The following GOLGA8H variants were observed in gnomAD, a reference collection of about 807,000 sequenced individuals.
GOLGA8H encodes the protein golgin A8 family member H.
GOLGA8H carries 47 observed loss-of-function variants against 82.7 expected under a neutral mutation model. The ratio of observed to expected loss-of-function variants is 0.57; its 90% CI spans 0.45 to 0.73. The LOEUF is 0.73. Ranked by LOEUF, GOLGA8H falls within the 30% of genes least tolerant of loss-of-function variation. The probability of loss-of-function intolerance (pLI) is 0.00; values close to 1 mark genes in which losing one functional copy is unlikely to be tolerated. For synonymous variants in GOLGA8H, 108 were observed against 241.6 expected (o/e 0.45, Z 5.13); for missense variants, 372 against 661.0 (o/e 0.56, Z 4.79).
intron 11 of GOLGA8H, 131 bp from the exon 12 acceptor site, chr15:30,610,635 C>T: frequency 1.4e-6 from 2 of 1,432,708 alleles, no homozygotes. Flanking sequence ...GGAAGACTGG[C>T]TACCATCTGG....
In GOLGA8H at chr15:30,608,501, A is replaced by C. The variant is rs536668671; in HGVS notation, c.431A>C (p.Lys144Thr). ...CAGACATTGAACATACAGAAAGGGA[A>C]ACTAAATACGGACCTGTACCACATG... The part of the protein sequence containing the change: ...QIQTLNIQKG[K>T]LNTDLYHMKR... Residue 144 changes from lysine to threonine, a missense_variant, in exon 7 of 19, where the codon AAA (lysine) becomes ACA (threonine). Lys to Thr is a moderately conservative substitution (Grantham distance 78). Transcript: ENST00000566740. The C allele has an allele frequency of 5.0e-6, 8 of 1,611,108 alleles. No homozygotes were observed. Among genetic ancestry groups the C allele is most frequent in the Non-Finnish European group, 6.8e-6 (8 of 1,179,618 alleles).
At chr15:30,608,236 C>G in intron 5 of GOLGA8H, 95 bp from the exon 6 acceptor site, 1 of 1,209,924 alleles carries the variant, frequency 8.3e-7, no homozygotes, top group South Asian at 1.3e-5. Context: ...ATGGGTGGGC[C>G]TGTCCTGGGG....
In GOLGA8H at chr15:30,615,058, T is replaced by C. The variant is rs1475963307; in HGVS notation, c.*497T>C. On this transcript the variant is annotated 3_prime_UTR_variant, in exon 19 of 19. Transcript: ENST00000566740. ...AGTTTGCCCCCAAGTGTGCACTGTTTATTACTTTGTAATATGCCACTATGA... is the reference window on the plus strand; with the variant it reads ...AGTTTGCCCCCAAGTGTGCACTGTTCATTACTTTGTAATATGCCACTATGA... Among the ~76,000 whole-genome samples, 1 of 151,762 alleles carries C rather than the reference T, an allele frequency of 6.6e-6. No homozygotes were observed. Among genetic ancestry groups the C allele is most frequent in the Non-Finnish European group, 1.5e-5 (1 of 67,910 alleles).
At chr15:30,607,681 C>G (rs2059943327) in intron 4 of GOLGA8H, 3 of 553,752 alleles carry the variant, frequency 5.4e-6, no homozygotes, top group South Asian at 4.1e-5. Flanking sequence ...AAGAACCGTA[C>G]CTGGTCCATA....
At chr15:30,609,761 T>C in intron 8 of GOLGA8H, 45 bp from the exon 9 acceptor site, 1 of 1,560,524 alleles carries the variant, frequency 6.4e-7, no homozygotes, top group Non-Finnish European at 8.8e-7. Context: ...TGTGTGGAAA[T>C]GCCCAGGCTC....
At chr15:30,609,093 T>A (rs1347957949) in intron 8 of GOLGA8H, among the ~76,000 whole-genome samples, 1 of 125,824 alleles carries the variant, frequency 7.9e-6, no homozygotes, top group Non-Finnish European at 1.7e-5. Flanking sequence ...TGTTACCATT[T>A]CTGTAGAAAG....
At chr15:30,611,581 C>T (rs1400530268) in intron 13 of GOLGA8H, among the ~76,000 whole-genome samples, 1 of 150,064 alleles carries the variant, frequency 6.7e-6, no homozygotes, top group African/African-American at 2.5e-5. Flanking sequence ...AGGCATGGAG[C>T]CCCCAATCAC....
chr15:30,613,355 A>C (rs1330511991), intron 15 of GOLGA8H, among the ~76,000 whole-genome samples, 160 bp downstream of exon 15: 1 of 92,056 alleles, frequency 1.1e-5, no homozygotes, highest in African/African-American at 5.8e-5. Context: ...CAACAGGTGC[A>C]CTCTCTGAGG....
intron 1 of GOLGA8H, 106 bp from the exon 2 acceptor site, chr15:30,605,737 C>T: frequency 6.5e-7 from 1 of 1,535,648 alleles, no homozygotes; most frequent in Non-Finnish European, 8.7e-7. Context: ...TTGTTGGTGT[C>T]ATTAAATCAG....
chr15:30,605,723 A>T lies in GOLGA8H; in HGVS notation c.49-120A>T, dbSNP rs1277076509. The T allele has an allele frequency of 2.0e-6, 3 of 1,512,440 alleles. No homozygotes were observed. The South Asian group carries it at 3.6e-5, about 18-fold the overall frequency. 93.7% of individuals were successfully genotyped at this position (1,512,440 alleles called of 1,614,324 possible). ...CTAAATGAGTGTGACAACACCTTGT[A>T]CGGTTGTTGGTGTCATTAAATCAGA... On this transcript the variant is annotated intron_variant, in intron 1 of 18. Coordinates refer to ENST00000566740, the MANE Select transcript of GOLGA8H (RefSeq NM_001282490.2).
chr15:30,609,721 G>C (rs1214856813), intron 8 of GOLGA8H, 85 bp from the exon 9 acceptor site: 3 of 1,563,320 alleles, frequency 1.9e-6, no homozygotes, highest in African/African-American at 2.7e-5. Flanking sequence ...GTTGTATATT[G>C]GGCCTAGCCC....
chr15:30,611,541 C>G (rs2060020347), intron 13 of GOLGA8H, among the ~76,000 whole-genome samples, 195 bp downstream of exon 13: 1 of 151,234 alleles, frequency 6.6e-6, no homozygotes, highest in South Asian at 2.1e-4. Flanking sequence ...CTGGGCTCCT[C>G]TCAGGTCTGG....
rs756574224 is a variant in GOLGA8H at position 30,604,144 on chromosome 15, CACA to C, written c.24_26del (p.Asn8del). 1.3e-6 allele frequency: 2 copies of C among 1,496,320 alleles called. No individual in the cohort carries two copies. Among genetic ancestry groups the C allele is most frequent in the Non-Finnish European group, 1.8e-6 (2 of 1,124,840 alleles). 92.7% of individuals were successfully genotyped at this position (1,496,320 alleles called of 1,614,324 possible). Reference sequence around the variant, plus strand: ...CCCTGCGATGGCAGAAGAAACTCAACACAACAAATTGGCTGCAGCCAAGAAAAA... The same window carrying C: ...CCCTGCGATGGCAGAAGAAACTCAACACAAATTGGCTGCAGCCAAGAAAAA... On this transcript the variant is annotated inframe_deletion, in exon 1 of 19. Transcript: ENST00000566740.
In GOLGA8H at chr15:30,604,102, C is replaced by T. The variant is rs765368046; in HGVS notation, c.-24C>T. 25 of 1,535,080 alleles carry T rather than the reference C, an allele frequency of 1.6e-5. No homozygotes were observed. Among genetic ancestry groups the T allele is most frequent in the East Asian group, 9.5e-5 (4 of 42,088 alleles). The stretch of plus-strand genomic sequence containing the variant: ...TGAGATTTTGCTGCTGTGACCCCAA[C>T]CCTGCCTCCCTCCCCACCCTGCGAT... On this transcript the variant is annotated 5_prime_UTR_variant, in exon 1 of 19. Coordinates refer to ENST00000566740, the MANE Select transcript of GOLGA8H (RefSeq NM_001282490.2).
In GOLGA8H at chr15:30,607,740, G is replaced by A; in HGVS notation, c.310-290G>A. 9.9e-6 allele frequency: 6 copies of A among 605,712 alleles called. 1 individual carries two copies. Among genetic ancestry groups the A allele is most frequent in the Non-Finnish European group, 1.7e-5 (6 of 346,390 alleles). The allele number at this position is 605,712 out of a possible 1,614,324, so 37.5% of individuals were successfully genotyped here. On this transcript the variant is annotated intron_variant, in intron 4 of 18. Transcript: ENST00000566740. ...ATGAACCCACTTCTCTAAATCACAA[G>A]TTGCCAGAAGGAGGGGCCTTTCTGA... is the stretch of plus-strand genomic sequence containing the variant.
chr15:30,607,957 C>A, intron 4 of GOLGA8H, 73 bp from the exon 5 acceptor site: 1 of 1,595,898 alleles, frequency 6.3e-7, no homozygotes, highest in Admixed American at 1.7e-5. Context: ...CTGGCCCCTG[C>A]CTACCACTTC....
intron 8 of GOLGA8H, among the ~76,000 whole-genome samples, chr15:30,609,088 C>T (rs1402622090): frequency 8.0e-6 from 1 of 125,660 alleles, no homozygotes; most frequent in Non-Finnish European, 1.7e-5. Context: ...TAGTATGTTA[C>T]CATTTCTGTA....
At position 30,606,440 on chromosome 15, in the gene GOLGA8H, C is replaced by A. The variant is rs570141588; in HGVS notation, c.169-415C>A. On this transcript the variant is annotated intron_variant, in intron 2 of 18. Transcript: ENST00000566740. ...TATGATTTAGGGCAAGTTGCTAGAC[C>A]TCATCGGGCCTCTCTTTTCACATCT... Among the ~76,000 whole-genome samples the A allele has an allele frequency of 6.4e-4, 96 of 151,066 alleles. 1 individual carries two copies. Among genetic ancestry groups the A allele is most frequent in the African/African-American group, 2.1e-3 (87 of 40,806 alleles).
intron 8 of GOLGA8H, among the ~76,000 whole-genome samples, 195 bp downstream of exon 8, chr15:30,608,951 T>G (rs77775801): frequency 0.052 from 5,144 of 98,916 alleles, 126 homozygotes; most frequent in Non-Finnish European, 0.062. Context: ...GGTCACTGTG[T>G]GGAGTGAGCA....
Sources: allele counts gnomAD v4.1 joint callset (sites outside exome capture counted in the v4.1 genomes callset), GRCh38; gene constraint gnomAD v4.1.1; transcripts MANE v1.5; gene names NCBI Gene and HGNC (gene_info 2026-07-23, HGNC 2026-07-21).